Variants in ARHGEF40 observed in about 807,000 individuals in gnomAD.
The protein encoded by ARHGEF40 is Rho guanine nucleotide exchange factor 40, also known as Rho guanine nucleotide exchange factor (GEF) 40.
A neutral mutation model predicts 165.9 loss-of-function variants in ARHGEF40; 98 were observed. The observed-to-expected ratio is 0.59, with a 90% CI of 0.50 to 0.70. ARHGEF40 has a LOEUF of 0.70. Ranked by LOEUF, ARHGEF40 falls within the 30% of genes least tolerant of loss-of-function variation. The pLI, the probability that ARHGEF40 is intolerant of heterozygous loss-of-function variation, is 0.00. For synonymous variants in ARHGEF40, 792 were observed against 814.3 expected (o/e 0.97, Z 0.47); for missense variants, 1,815 against 1,968.0 (o/e 0.92, Z 1.47).
In ARHGEF40 at chr14:21,081,019, G is replaced by T; in HGVS notation, c.2640+3G>T. ...GGCTACAGCGCTTCTTCCAGCAGGT[G>T]CATGCAGAGCCTTTTCCTTCTGTGC... On this transcript the variant is annotated splice_donor_region_variant and intron_variant, in intron 13 of 23. Transcript: ENST00000298694. 6.2e-7 allele frequency: 1 copy of T among 1,611,010 alleles called. No individual in the cohort carries two copies. Among genetic ancestry groups the T allele is most frequent in the Non-Finnish European group, 8.5e-7 (1 of 1,178,488 alleles).
In ARHGEF40 at chr14:21,081,291, G is replaced by A. The variant is rs555468198; in HGVS notation, c.2641-218G>A. The A allele has an allele frequency of 6.4e-5, 50 of 778,188 alleles. 1 individual carries two copies. Among genetic ancestry groups the A allele is most frequent in the East Asian group, 1.9e-4 (7 of 36,668 alleles). The allele number at this position is 778,188 out of a possible 1,614,324, so 48.2% of individuals were successfully genotyped here. On this transcript the variant is annotated intron_variant, in intron 13 of 23. Transcript: ENST00000298694. ...ACAGAGCCTGCCACTCATAAATGTC[G>A]TATGAGTACCGGTTATTCTTTTATA...
chr14:21,071,436 T>C lies in ARHGEF40; in HGVS notation c.3+1037T>C, dbSNP rs564851969. 2.4e-3 allele frequency among the ~76,000 whole-genome samples: 362 copies of C among 152,114 alleles called. 5 individuals are homozygous for C. Among genetic ancestry groups the C allele is most frequent in the Non-Finnish European group, 3.4e-3 (233 of 67,944 alleles). Reference sequence around the variant, plus strand: ...AGTGGAGGAGGGGCAGGGGCACTACTGGGGCCGCCCCTCTACGGAGGGAAG... The same window carrying C: ...AGTGGAGGAGGGGCAGGGGCACTACCGGGGCCGCCCCTCTACGGAGGGAAG... On this transcript the variant is annotated intron_variant, in intron 1 of 23. Transcript: ENST00000298694.
At chr14:21,086,942 A>G in intron 19 of ARHGEF40, 59 bp from the exon 20 acceptor site, 2 of 1,361,052 alleles carry the variant, frequency 1.5e-6, no homozygotes, top group Non-Finnish European at 2.0e-6. Context: ...CAACCATGAC[A>G]TGCTAGGGCT....
At position 21,090,154 on chromosome 14, in the gene ARHGEF40, C is replaced by T. The variant is rs995019933; in HGVS notation, c.*1146C>T. ...ACAGGAATCGTACCAAAAATAGCGA[C>T]GTCTACAGGGCCCCTGATGGGGCTA... On this transcript the variant is annotated 3_prime_UTR_variant, in exon 24 of 24. Transcript: ENST00000298694. The surrounding 1 kb of genome is among the most constrained non-coding windows in gnomAD (Gnocchi z 4.4). 12 of 482,334 alleles carry T rather than the reference C, an allele frequency of 2.5e-5. No homozygotes were observed. The highest frequency in any genetic ancestry group is 5.7e-5 in the East Asian group (1 of 17,450). 29.9% of individuals were successfully genotyped at this position (482,334 alleles called of 1,614,324 possible).
intron 19 of ARHGEF40, 156 bp downstream of exon 19, chr14:21,086,022 T>A: frequency 1.1e-6 from 1 of 928,518 alleles, no homozygotes; most frequent in South Asian, 1.8e-5. Context: ...ATTACTGAAG[T>A]AGAAATGAGC....
chr14:21,066,406 G>A (rs1195603594), upstream of ARHGEF40, among the ~76,000 whole-genome samples: 2 of 151,216 alleles, frequency 1.3e-5, no homozygotes, highest in African/African-American at 4.9e-5. Flanking sequence ...TGCAACCTCC[G>A]CCTCCCAGGT....
intron 17 of ARHGEF40, 69 bp downstream of exon 17, chr14:21,084,119 G>T (rs1826083932): frequency 2.0e-5 from 30 of 1,473,786 alleles, no homozygotes; most frequent in Non-Finnish European, 2.7e-5. Context: ...GTGTAGGTTG[G>T]TGACAGGAGA....
At position 21,085,561 on chromosome 14, in the gene ARHGEF40, G is replaced by A. The variant is rs552235247; in HGVS notation, c.3961-128G>A. On this transcript the variant is annotated intron_variant, in intron 18 of 23. Transcript: ENST00000298694. Reference sequence around the variant, plus strand: ...AGACTAAACGTAGAGCACTTGGCACGTGATAGGTGTTGAGCAAACGTTTAC... The same window carrying A: ...AGACTAAACGTAGAGCACTTGGCACATGATAGGTGTTGAGCAAACGTTTAC... 41 of 1,077,834 alleles carry A rather than the reference G, an allele frequency of 3.8e-5. No homozygotes were observed. The Admixed American group carries it at 3.8e-4, about 10-fold the overall frequency. 66.8% of individuals were successfully genotyped at this position (1,077,834 alleles called of 1,614,324 possible).
At chr14:21,063,622 G>A in the ARHGEF40 span, among the ~76,000 whole-genome samples, 10 of 152,282 alleles carry the variant, frequency 6.6e-5, no homozygotes, top group Non-Finnish European at 1.2e-4. Flanking sequence ...ATGACTTCAC[G>A]CTGTTGGAAT....
chr14:21,075,318 CTG>C lies in ARHGEF40; in HGVS notation c.1451-10_1451-9del, dbSNP rs760572497. 4 of 1,613,566 alleles carry C rather than the reference CTG, an allele frequency of 2.5e-6. No homozygotes were observed. Among genetic ancestry groups the C allele is most frequent in the Non-Finnish European group, 3.4e-6 (4 of 1,179,890 alleles). On this transcript the variant is annotated splice_polypyrimidine_tract_variant and intron_variant, in intron 3 of 23. Transcript: ENST00000298694. The surrounding 1 kb of genome is among the most constrained non-coding windows in gnomAD (Gnocchi z 4.5). Reference sequence around the variant, plus strand: ...CTTAACTTCAGTCCCATGTTTCTGTCTGTGTCTGTGCAGGACACACAGGCCCA... The same window carrying C: ...CTTAACTTCAGTCCCATGTTTCTGTCTGTCTGTGCAGGACACACAGGCCCA...
rs181810196 is a variant in ARHGEF40, at chr14:21,074,893, G to T, written c.1163G>T (p.Arg388Leu). The T allele has an allele frequency of 1.2e-6, 2 of 1,610,524 alleles. No homozygotes were observed. Among genetic ancestry groups the T allele is most frequent in the South Asian group, 1.1e-5 (1 of 90,618 alleles). Reference sequence around the variant, plus strand: ...AGAAGAAAGAAGCGAGCTGCAGGTCGAGGGGCTCTTAGCCGAGGAGGGGAC... The same window carrying T: ...AGAAGAAAGAAGCGAGCTGCAGGTCTAGGGGCTCTTAGCCGAGGAGGGGAC... ...GNRRKKRAAGRGALSRGGDSA... is the reference protein window; with the variant it reads ...GNRRKKRAAGLGALSRGGDSA... Residue 388 changes from arginine (R) to leucine (L), a missense_variant, in exon 3 of 24, where the codon CGA (arginine) becomes CTA (leucine). By Grantham distance (102) the Arg-to-Leu change is moderately radical (BLOSUM62 -2). Coordinates refer to ENST00000298694, the MANE Select transcript of ARHGEF40 (RefSeq NM_018071.5). This position sits in a 1 kb window ranked among gnomAD's most constrained non-coding sequence, Gnocchi z 4.8.
At position 21,076,797 on chromosome 14, in the gene ARHGEF40, T is replaced by G. The variant is rs753320486; in HGVS notation, c.1941T>G (p.Asn647Lys). ...GFQGAEVLSE[N>K]DLKRVAKPEE... Reference sequence around the variant, plus strand: ...AGGGTGCTGAGGTGCTGTCAGAGAATGATCTGAAAAGAGTGGCCAAGCCAG... The same window carrying G: ...AGGGTGCTGAGGTGCTGTCAGAGAAGGATCTGAAAAGAGTGGCCAAGCCAG... Residue 647 changes from asparagine (N) to lysine (K), a missense_variant, in exon 8 of 24, where the codon AAT (asparagine) becomes AAG (lysine). Asn to Lys is a moderately conservative substitution (Grantham distance 94). Coordinates refer to ENST00000298694, the MANE Select transcript of ARHGEF40 (RefSeq NM_018071.5). 6.2e-7 allele frequency: 1 copy of G among 1,614,080 alleles called. No individual in the cohort carries two copies. Among genetic ancestry groups the G allele is most frequent in the Non-Finnish European group, 8.5e-7 (1 of 1,180,010 alleles).
intron 19 of ARHGEF40, 120 bp downstream of exon 19, chr14:21,085,986 A>G (rs1888305578): frequency 1.7e-6 from 2 of 1,143,954 alleles, no homozygotes; most frequent in South Asian, 3.0e-5. Flanking sequence ...ATGGCTTATA[A>G]TAAGATTCAA....
chr14:21,064,167 T>G, the ARHGEF40 span, among the ~76,000 whole-genome samples: 1 of 152,228 alleles, frequency 6.6e-6, no homozygotes, highest in Non-Finnish European at 1.5e-5. Flanking sequence ...TGGGAATAAT[T>G]CAAAGTGCGG....
rs2139220612 is a variant in ARHGEF40 at position 21,075,610 on chromosome 14, C to T, written c.1619-35C>T. ...GAAAGGAGGTAGGCATGGACTGCTC[C>T]CAGCCAGGACAGCCTGGCCATTTTG... is the stretch of plus-strand genomic sequence containing the variant. On this transcript the variant is annotated intron_variant, in intron 4 of 23. Coordinates refer to ENST00000298694, the MANE Select transcript of ARHGEF40 (RefSeq NM_018071.5). This position sits in a 1 kb window ranked among gnomAD's most constrained non-coding sequence, Gnocchi z 4.5. The T allele has an allele frequency of 1.2e-6, 2 of 1,613,954 alleles. 1 individual carries two copies. The highest frequency in any genetic ancestry group is 4.5e-5 in the East Asian group (2 of 44,878).
At chr14:21,086,247 C>T (rs1249599498) in intron 19 of ARHGEF40, 3 of 239,646 alleles carry the variant, frequency 1.3e-5, no homozygotes, top group South Asian at 1.0e-4. Context: ...CATGGTAGTA[C>T]GCACCTATAG....
chr14:21,080,233 CA>C lies in ARHGEF40; in HGVS notation c.2374-426del, dbSNP rs757087912. On this transcript the variant is annotated intron_variant, in intron 11 of 23. Coordinates refer to ENST00000298694, the MANE Select transcript of ARHGEF40 (RefSeq NM_018071.5). ...ACACACACACACACACACACACACACACACACACACACACACCCCTTCTGTA... is the reference window on the plus strand; with the variant it reads ...ACACACACACACACACACACACACACCACACACACACACACCCCTTCTGTA... 2.7e-3 allele frequency among the ~76,000 whole-genome samples: 388 copies of C among 143,178 alleles called. 3 individuals are homozygous for C. The highest frequency in any genetic ancestry group is 7.5e-3 in the Middle Eastern group (2 of 268). The allele number at this position is 143,178 out of a possible 152,430, so 93.9% of individuals were successfully genotyped here. A position where few individuals can be genotyped will look rare whatever the true frequency, so the allele number is the denominator to read the frequency against.
At chr14:21,061,772 T>A in the ARHGEF40 span, among the ~76,000 whole-genome samples, 1 of 152,236 alleles carries the variant, frequency 6.6e-6, no homozygotes, top group African/African-American at 2.4e-5. Context: ...ATTAGGCTTG[T>A]CATTCTAATT....
At chr14:21,067,337 C>T (rs532195396), upstream of ARHGEF40, among the ~76,000 whole-genome samples, 9 of 152,066 alleles carry the variant, frequency 5.9e-5, no homozygotes, top group African/African-American at 2.2e-4. Context: ...AACCTCAGTG[C>T]TGGCTTCTAC....
Sources: allele counts gnomAD v4.1 joint callset (sites outside exome capture counted in the v4.1 genomes callset), GRCh38; gene constraint gnomAD v4.1.1; non-coding constraint Gnocchi (gnomAD v3.1); transcripts MANE v1.5; gene names NCBI Gene and HGNC (gene_info 2026-07-23, HGNC 2026-07-21).